The following RNF24 variants were observed in gnomAD, a reference collection of about 807,000 sequenced individuals.
RNF24 encodes ring finger protein 24.
In RNF24, 14 loss-of-function variants were observed where a neutral mutation model predicts 20.0. The ratio of observed to expected loss-of-function variants is 0.70; its 90% CI spans 0.46 to 1.10. The LOEUF (loss-of-function observed/expected upper bound fraction) is 1.10. Among genes scored for constraint, RNF24 ranks in the 50% least tolerant of loss-of-function variants. The pLI is 0.00. For synonymous variants in RNF24, 45 were observed against 61.1 expected, an observed-to-expected ratio of 0.74 and a Z score of 1.23; for missense variants, 124 against 177.6, an observed-to-expected ratio of 0.70 and a Z score of 1.71.
chr20:3,975,479 G>A (rs986168440), intron 1 of RNF24, among the ~76,000 whole-genome samples: 2 of 151,560 alleles, frequency 1.3e-5, no homozygotes, highest in Non-Finnish European at 1.5e-5. Flanking sequence ...CTAAAGACTA[G>A]GAAAAAAATA....
intron 4 of RNF24, among the ~76,000 whole-genome samples, chr20:3,942,905 C>T (rs1007097833): frequency 6.6e-6 from 1 of 152,048 alleles, no homozygotes; most frequent in Non-Finnish European, 1.5e-5. Context: ...CAACCTCTGC[C>T]TCCAGGTTCA....
intron 2 of RNF24, 115 bp from the exon 3 acceptor site, chr20:3,948,394 T>C (rs1388215018): frequency 5.8e-6 from 4 of 690,964 alleles, no homozygotes; most frequent in Non-Finnish European, 9.5e-6. Context: ...TCAAATGATA[T>C]AAATTAGAAT....
chr20:4,002,069 C>T (rs1220952978), intron 1 of RNF24, among the ~76,000 whole-genome samples: 1 of 151,688 alleles, frequency 6.6e-6, no homozygotes, highest in African/African-American at 2.4e-5. Context: ...TGGGCCACAT[C>T]ATGAAACCCC....
At chr20:4,005,997 C>T (rs1464939229) in intron 1 of RNF24, among the ~76,000 whole-genome samples, 1 of 152,134 alleles carries the variant, frequency 6.6e-6, no homozygotes, top group Non-Finnish European at 1.5e-5. Flanking sequence ...GTATCTGATA[C>T]AAGCACCTGT....
chr20:3,963,577 G>A (rs910363221), intron 2 of RNF24, among the ~76,000 whole-genome samples: 1 of 152,226 alleles, frequency 6.6e-6, no homozygotes, highest in African/African-American at 2.4e-5. Context: ...TGTGAGAGTA[G>A]ATTAAATCTT....
intron 4 of RNF24, among the ~76,000 whole-genome samples, chr20:3,943,948 G>A (rs1160874786): frequency 2.6e-5 from 4 of 152,090 alleles, no homozygotes; most frequent in Admixed American, 6.6e-5. Context: ...CGTGGCTCAC[G>A]CTTGTAATCC....
At chr20:3,945,715 C>A (rs1188562867) in intron 3 of RNF24, among the ~76,000 whole-genome samples, 581 of 114,936 alleles carry the variant, frequency 5.1e-3, no homozygotes, top group Admixed American at 5.2e-3. Context: ...AACTCCGTCT[C>A]AAAAAAAAAA....
chr20:3,981,503 A>AC (rs1490702149), intron 1 of RNF24, among the ~76,000 whole-genome samples: 43 of 149,738 alleles, frequency 2.9e-4, no homozygotes, highest in Middle Eastern at 3.4e-3. Flanking sequence ...TTTTGGAGTC[A>AC]CTTTTTTTCT....
chr20:3,949,637 T>C (rs1474614402), intron 2 of RNF24, among the ~76,000 whole-genome samples: 5 of 152,082 alleles, frequency 3.3e-5, no homozygotes, highest in Non-Finnish European at 7.4e-5. Context: ...TGAGCTGGGA[T>C]TGTGCCACTG....
chr20:3,934,209 A>C lies in RNF24; in HGVS notation c.309-8T>G, dbSNP rs775001426. The stretch of plus-strand genomic sequence containing the variant: ...AGCCACTTAATAAGGCACCTGCAGA[A>C]GGAGACACCACAGGGGGAAGATGTC... On this transcript the variant is annotated splice_region_variant and splice_polypyrimidine_tract_variant and intron_variant, in intron 5 of 5. Transcript: ENST00000358395. The surrounding 1 kb of genome is among the most constrained non-coding windows in gnomAD (Gnocchi z 4.0). 1 of 1,605,152 alleles carries C rather than the reference A, an allele frequency of 6.2e-7. No individual in the cohort carries two copies. Among genetic ancestry groups the C allele is most frequent in the Middle Eastern group, 1.7e-4 (1 of 6,036 alleles).
At chr20:3,947,691 G>T (rs1879668755) in intron 3 of RNF24, among the ~76,000 whole-genome samples, 1 of 152,148 alleles carries the variant, frequency 6.6e-6, no homozygotes, top group South Asian at 2.1e-4. Flanking sequence ...GCAATCTGTT[G>T]GCTCAAGTTT....
chr20:3,963,468 C>T (rs769828246), intron 2 of RNF24, among the ~76,000 whole-genome samples: 2 of 152,246 alleles, frequency 1.3e-5, no homozygotes, highest in Non-Finnish European at 2.9e-5. Context: ...GCTGGGATTA[C>T]AGGCATGAGC....
chr20:3,952,264 T>C (rs1039262089), intron 2 of RNF24, among the ~76,000 whole-genome samples: 1 of 152,178 alleles, frequency 6.6e-6, no homozygotes, highest in Non-Finnish European at 1.5e-5. Context: ...ATGAACATTA[T>C]TTCTTTATTT....
chr20:4,006,032 T>C (rs1299633481), intron 1 of RNF24, among the ~76,000 whole-genome samples: 1 of 152,110 alleles, frequency 6.6e-6, no homozygotes, highest in Non-Finnish European at 1.5e-5. Flanking sequence ...ATAAGTACCA[T>C]CAAAATGAGA....
chr20:3,979,161 C>A (rs6139261), intron 1 of RNF24, among the ~76,000 whole-genome samples: 1 of 150,140 alleles, frequency 6.7e-6, no homozygotes, highest in Non-Finnish European at 1.5e-5. Context: ...ACTGTGTGTG[C>A]GTGTGTGTGT....
intron 4 of RNF24, among the ~76,000 whole-genome samples, chr20:3,937,975 G>A (rs911842016): frequency 1.3e-5 from 2 of 152,204 alleles, no homozygotes; most frequent in African/African-American, 4.8e-5. Flanking sequence ...TATGTATCAA[G>A]GAGTGGAATT....
chr20:3,993,176 T>C (rs1980590818), intron 1 of RNF24, among the ~76,000 whole-genome samples: 1 of 152,176 alleles, frequency 6.6e-6, no homozygotes. Context: ...TTATAATCAC[T>C]ATGGGATAGA....
Position 3,960,313 on chromosome 20 carries a change from T to C in RNF24, c.143+3562A>G, listed in dbSNP as rs574475813. ...GACTTGTTAAATCCCAATTTACCAT[T>C]TGAAGTGTTAAAGGTAACAAATTAG... On this transcript the variant is annotated intron_variant, in intron 2 of 5. Transcript: ENST00000358395. Among the ~76,000 whole-genome samples the C allele has an allele frequency of 9.8e-5, 15 of 152,332 alleles. No individual in the cohort carries two copies. The East Asian group carries it at 2.9e-3, about 29-fold the overall frequency.
chr20:3,973,446 T>C lies in RNF24; in HGVS notation c.-7-9422A>G, dbSNP rs1978550275. On this transcript the variant is annotated intron_variant, in intron 1 of 5. Coordinates refer to ENST00000358395, the MANE Select transcript of RNF24 (RefSeq NM_001134337.3). ...GAGAAAAATCAATGAAACAAAAAGC[T>C]GAGTCTTTTCTTTGAAATGATCAGT... 4.0e-5 allele frequency among the ~76,000 whole-genome samples: 5 copies of C among 125,460 alleles called. No individual in the cohort carries two copies. The Admixed American group carries it at 4.4e-4, about 11-fold the overall frequency. The allele number at this position is 125,460 out of a possible 152,430, so 82.3% of individuals were successfully genotyped here.
Sources: gnomAD v4.1 joint callset for allele counts (sites outside exome capture counted in the v4.1 genomes callset) on GRCh38, gnomAD v4.1.1 for gene constraint, Gnocchi (gnomAD v3.1) non-coding constraint, MANE v1.5 for transcripts, NCBI Gene and HGNC (gene_info 2026-07-23, HGNC 2026-07-21) for gene names.